Variants in ACYP2 observed in about 807,000 individuals in gnomAD.
The protein encoded by ACYP2 is acylphosphatase-2.
In ACYP2, 12 loss-of-function variants were observed where a neutral mutation model predicts 11.2. The ratio of observed to expected loss-of-function variants is 1.08; its 90% CI spans 0.69 to 1.74. ACYP2 has a LOEUF of 1.74. ACYP2 is among the 40% of genes most tolerant of loss of function. The probability of loss-of-function intolerance (pLI) is 0.00; values close to 1 mark genes in which losing one functional copy is unlikely to be tolerated. For missense variants in ACYP2, 134 were observed against 101.9 expected (o/e 1.31, Z -1.35); for synonymous variants, 43 against 32.2 (o/e 1.33, Z -1.13).
intron 4 of ACYP2, among the ~76,000 whole-genome samples, chr2:54,112,086 A>G (rs1244056705): frequency 2.6e-5 from 4 of 152,160 alleles, no homozygotes; most frequent in Admixed American, 6.5e-5. Context: ...ACACATGTAA[A>G]TGTGTATTAT....
intron 6 of ACYP2, among the ~76,000 whole-genome samples, chr2:54,219,905 AT>A (rs1169547989): frequency 0.027 from 2,017 of 75,894 alleles, 37 homozygotes; most frequent in African/African-American, 0.063. Context: ...ATATATATAT[AT>A]TTTTTTTTTT....
intron 4 of ACYP2, among the ~76,000 whole-genome samples, chr2:54,098,823 G>A (rs770177616): frequency 4.0e-5 from 6 of 151,488 alleles, no homozygotes; most frequent in African/African-American, 7.3e-5. Context: ...AATCTCCCAG[G>A]CTCAAGTGAT....
intron 6 of ACYP2, among the ~76,000 whole-genome samples, chr2:54,250,111 T>C (rs1687147654): frequency 6.6e-6 from 1 of 152,150 alleles, no homozygotes; most frequent in African/African-American, 2.4e-5. Context: ...TGTGAGGATA[T>C]CACCTACCTT....
intron 2 of ACYP2, among the ~76,000 whole-genome samples, chr2:53,983,360 G>C (rs1055555154): frequency 6.6e-6 from 1 of 152,074 alleles, no homozygotes; most frequent in African/African-American, 2.4e-5. Context: ...ACAAAAATTA[G>C]CTGGGTGTGG....
At chr2:54,166,840 C>T (rs936431466) in intron 6 of ACYP2, 4 of 152,188 alleles carry the variant, frequency 2.6e-5, no homozygotes, top group East Asian at 3.8e-4. Context: ...TGGCAATGCT[C>T]ATCTCACAAG....
intron 2 of ACYP2, among the ~76,000 whole-genome samples, chr2:53,993,380 GA>G (rs1041492154): frequency 6.6e-6 from 1 of 150,586 alleles, no homozygotes; most frequent in Admixed American, 6.6e-5. Flanking sequence ...CTGGAAGGAA[GA>G]AAAAAAAAGT....
chr2:54,085,383 G>T lies in ACYP2; in HGVS notation c.277+28023G>T, dbSNP rs1572716852. On this transcript the variant is annotated intron_variant, in intron 4 of 6. Transcript: ENST00000607452. ...CCTTGTGCCCTGAGCTGCCAGGATG[G>T]GCTCTGGCCACCTGTGACATTAAAC... Among the ~76,000 whole-genome samples, 4 of 152,278 alleles carry T rather than the reference G, an allele frequency of 2.6e-5. No individual in the cohort carries two copies. The South Asian group carries it at 8.3e-4, about 32-fold the overall frequency.
chr2:54,149,283 G>A (rs1470210217), intron 6 of ACYP2, among the ~76,000 whole-genome samples: 1 of 152,204 alleles, frequency 6.6e-6, no homozygotes, highest in African/African-American at 2.4e-5. Context: ...AGATGGCCTG[G>A]CTGTGATTAT....
At chr2:54,125,293 G>A (rs186467422) in intron 4 of ACYP2, among the ~76,000 whole-genome samples, 1 of 151,940 alleles carries the variant, frequency 6.6e-6, no homozygotes, top group African/African-American at 2.4e-5. Flanking sequence ...ATGTGTGTTT[G>A]GGCCATAATC....
intron 2 of ACYP2, among the ~76,000 whole-genome samples, chr2:54,015,645 T>TCACACACACACACACACACA (rs4027206): frequency 1.5e-5 from 2 of 130,418 alleles, no homozygotes; most frequent in African/African-American, 6.2e-5. Context: ...TGAGACCCCG[T>TCACACACACACACACACACA]CACACACACA....
At chr2:53,975,826 TCAAA>T (rs1175636194) in intron 2 of ACYP2, among the ~76,000 whole-genome samples, 5 of 151,896 alleles carry the variant, frequency 3.3e-5, no homozygotes, top group Admixed American at 2.6e-4. Context: ...AGCGAGACTC[TCAAA>T]CAAACAAACA....
intron 6 of ACYP2, among the ~76,000 whole-genome samples, chr2:54,216,529 T>C (rs1483455116): frequency 1.0e-5 from 1 of 98,438 alleles, no homozygotes; most frequent in African/African-American, 4.4e-5. Flanking sequence ...TTTTAACTCC[T>C]AATCACGTTT....
At chr2:54,134,128 A>G (rs948624706) in intron 4 of ACYP2, among the ~76,000 whole-genome samples, 1 of 152,090 alleles carries the variant, frequency 6.6e-6, no homozygotes, top group African/African-American at 2.4e-5. Flanking sequence ...GTTAGTTTCC[A>G]TTAGTACTTA....
intron 2 of ACYP2, among the ~76,000 whole-genome samples, chr2:54,004,450 G>A (rs1361407579): frequency 2.5e-4 from 30 of 117,666 alleles, no homozygotes; most frequent in South Asian, 5.3e-4. Flanking sequence ...TCGCTCTATC[G>A]CCCAGGCTGG....
chr2:54,221,509 T>G (rs1395618191), intron 6 of ACYP2, among the ~76,000 whole-genome samples: 1 of 147,322 alleles, frequency 6.8e-6, no homozygotes, highest in East Asian at 2.0e-4. Flanking sequence ...CAAATTTTAT[T>G]GAATAAAATT....
chr2:54,102,385 G>A (rs573337803), intron 4 of ACYP2, among the ~76,000 whole-genome samples: 1 of 152,148 alleles, frequency 6.6e-6, no homozygotes, highest in East Asian at 1.9e-4. Flanking sequence ...TCATGCATCT[G>A]GGTGCTGGCC....
chr2:54,022,327 ATTTTG>A (rs1479119180), intron 2 of ACYP2, among the ~76,000 whole-genome samples: 2 of 151,730 alleles, frequency 1.3e-5, no homozygotes, highest in Non-Finnish European at 2.9e-5. Flanking sequence ...TTGGGCTTTT[ATTTTG>A]TTTTGTTCTG....
chr2:54,122,117 T>A (rs149245970), intron 4 of ACYP2, among the ~76,000 whole-genome samples: 1 of 152,244 alleles, frequency 6.6e-6, no homozygotes, highest in African/African-American at 2.4e-5. Flanking sequence ...GGCTGCTTTG[T>A]AAGGCAGCAT....
At chr2:54,153,534 G>A (rs1424572052) in intron 6 of ACYP2, among the ~76,000 whole-genome samples, 1 of 143,116 alleles carries the variant, frequency 7.0e-6, no homozygotes, top group African/African-American at 2.6e-5. Flanking sequence ...TGTGAAAAAT[G>A]TCATTGAAAT....
Sources: gnomAD v4.1 joint callset for allele counts (sites outside exome capture counted in the v4.1 genomes callset) on GRCh38, gnomAD v4.1.1 for gene constraint, MANE v1.5 for transcripts, NCBI Gene and HGNC (gene_info 2026-07-23, HGNC 2026-07-21) for gene names.